The following TMTC2 variants were observed in gnomAD, a reference collection of about 807,000 sequenced individuals.
The protein encoded by TMTC2 is protein O-mannosyl-transferase TMTC2.
Under a neutral mutation model 82.4 loss-of-function variants are expected in TMTC2, and 43 were observed. The ratio of observed to expected loss-of-function variants is 0.52; its 90% CI spans 0.41 to 0.67. The LOEUF (loss-of-function observed/expected upper bound fraction) is 0.67. Ranked by LOEUF, TMTC2 falls within the 30% of genes least tolerant of loss-of-function variation. TMTC2 has a pLI of 0.00. For synonymous variants in TMTC2, 408 were observed against 381.9 expected (o/e 1.07, Z -0.80); for missense variants, 919 against 1,012.4 (o/e 0.91, Z 1.25).
intron 1 of TMTC2, among the ~76,000 whole-genome samples, chr12:82,805,671 C>CT (rs989981817): frequency 6.6e-6 from 1 of 151,592 alleles, no homozygotes; most frequent in Admixed American, 6.6e-5. Flanking sequence ...CCACGCCCGG[C>CT]TTTTTTTGTA....
chr12:82,858,561 A>T (rs1346910541), intron 2 of TMTC2, among the ~76,000 whole-genome samples: 1 of 152,112 alleles, frequency 6.6e-6, no homozygotes, highest in Non-Finnish European at 1.5e-5. Flanking sequence ...TTCACCATCG[A>T]TTTCTAATTT....
chr12:82,730,406 A>C (rs1028553705), intron 1 of TMTC2, among the ~76,000 whole-genome samples: 3 of 152,134 alleles, frequency 2.0e-5, no homozygotes, highest in Non-Finnish European at 4.4e-5. Context: ...AATAATAATA[A>C]GAGTGTAGTC....
chr12:82,718,713 A>G lies in TMTC2; in HGVS notation c.83+31044A>G, dbSNP rs186059712. Among the ~76,000 whole-genome samples the G allele has an allele frequency of 2.6e-4, 40 of 152,314 alleles. No individual in the cohort carries two copies. The Middle Eastern group carries it at 0.01, about 39-fold the overall frequency. The stretch of plus-strand genomic sequence containing the variant: ...TTCATATGGTTCAATGGGTACTTCT[A>G]AAACATACCCATGCCCTATTATTTC... On this transcript the variant is annotated intron_variant, in intron 1 of 11. Transcript: ENST00000321196.
At chr12:82,893,098 A>C (rs1295810166) in intron 2 of TMTC2, among the ~76,000 whole-genome samples, 1 of 152,100 alleles carries the variant, frequency 6.6e-6, no homozygotes, top group Non-Finnish European at 1.5e-5. Flanking sequence ...TGGGCCAGTC[A>C]CGGTGGCTCA....
At chr12:83,029,980 C>A (rs1881359692) in intron 8 of TMTC2, among the ~76,000 whole-genome samples, 1 of 152,118 alleles carries the variant, frequency 6.6e-6, no homozygotes, top group Non-Finnish European at 1.5e-5. Flanking sequence ...GAATTTTAGT[C>A]CTGAGTGATT....
At chr12:82,799,889 A>G (rs1374857071) in intron 1 of TMTC2, among the ~76,000 whole-genome samples, 1 of 152,140 alleles carries the variant, frequency 6.6e-6, no homozygotes, top group East Asian at 1.9e-4. Context: ...AGCTTTCACC[A>G]TCACATGTGC....
At chr12:82,850,248 A>G (rs749902924) in intron 1 of TMTC2, among the ~76,000 whole-genome samples, 1 of 152,150 alleles carries the variant, frequency 6.6e-6, no homozygotes, top group African/African-American at 2.4e-5. Context: ...TTAACATGAC[A>G]TTTTGTGAAA....
At chr12:82,907,440 G>C (rs1318446500) in intron 3 of TMTC2, among the ~76,000 whole-genome samples, 1 of 151,396 alleles carries the variant, frequency 6.6e-6, no homozygotes, top group Non-Finnish European at 1.5e-5. Flanking sequence ...TCCAGCCTGG[G>C]TGACAGAGTG....
intron 1 of TMTC2, among the ~76,000 whole-genome samples, chr12:82,804,651 T>C (rs755165822): frequency 1.1e-4 from 17 of 152,110 alleles, no homozygotes; most frequent in Non-Finnish European, 2.1e-4. Context: ...GACCAACTGA[T>C]AGCAATTTAA....
chr12:82,699,071 C>G (rs1287337337), intron 1 of TMTC2, among the ~76,000 whole-genome samples: 1 of 152,198 alleles, frequency 6.6e-6, no homozygotes, highest in African/African-American at 2.4e-5. Context: ...AGGGGGTCTA[C>G]TGTATCTCAC....
chr12:82,710,515 A>G (rs953581282), intron 1 of TMTC2, among the ~76,000 whole-genome samples: 8 of 152,334 alleles, frequency 5.3e-5, no homozygotes, highest in African/African-American at 1.7e-4. Flanking sequence ...TCCATCTCAG[A>G]TAATTTCTAG....
intron 1 of TMTC2, among the ~76,000 whole-genome samples, chr12:82,739,997 TAGTC>T (rs1033148932): frequency 6.6e-5 from 10 of 152,042 alleles, no homozygotes; most frequent in Non-Finnish European, 1.5e-4. Flanking sequence ...CTCTGGGTAG[TAGTC>T]AGTATGTTTG....
chr12:82,727,401 C>G (rs1443056171), intron 1 of TMTC2, among the ~76,000 whole-genome samples: 1 of 152,026 alleles, frequency 6.6e-6, no homozygotes, highest in Non-Finnish European at 1.5e-5. Context: ...TGACCCCTGA[C>G]TGGAAAGGTT....
intron 1 of TMTC2, among the ~76,000 whole-genome samples, chr12:82,698,102 C>A (rs1033616930): frequency 2.6e-5 from 4 of 152,070 alleles, no homozygotes; most frequent in African/African-American, 9.7e-5. Flanking sequence ...CTTTAAGGCA[C>A]CTTGGGGGGT....
intron 1 of TMTC2, among the ~76,000 whole-genome samples, chr12:82,815,317 T>A (rs183085701): frequency 1.0e-3 from 150 of 150,580 alleles, no homozygotes; most frequent in African/African-American, 3.4e-3. Context: ...TAATTATTTA[T>A]TTATTTATTT....
At chr12:82,885,880 G>A (rs1019161273) in intron 2 of TMTC2, among the ~76,000 whole-genome samples, 1 of 152,154 alleles carries the variant, frequency 6.6e-6, no homozygotes, top group Non-Finnish European at 1.5e-5. Flanking sequence ...CTTTTGGAAG[G>A]AAGTCACTAT....
intron 2 of TMTC2, among the ~76,000 whole-genome samples, chr12:82,869,900 A>G (rs1345287997): frequency 6.6e-6 from 1 of 152,152 alleles, no homozygotes; most frequent in Admixed American, 6.5e-5. Flanking sequence ...GAGGCCCACA[A>G]AAATTAGGCC....
At chr12:83,085,619 A>G (rs1883625995) in intron 11 of TMTC2, among the ~76,000 whole-genome samples, 1 of 152,182 alleles carries the variant, frequency 6.6e-6, no homozygotes, top group African/African-American at 2.4e-5. Flanking sequence ...AGAATTAACC[A>G]TCTGAGCTCA....
intron 1 of TMTC2, among the ~76,000 whole-genome samples, chr12:82,781,846 C>T (rs1877927208): frequency 6.6e-6 from 1 of 151,782 alleles, no homozygotes; most frequent in African/African-American, 2.4e-5. Context: ...GTTTGACCTC[C>T]TCTTTAGTTT....
Sources: allele counts gnomAD v4.1 joint callset (sites outside exome capture counted in the v4.1 genomes callset), GRCh38; gene constraint gnomAD v4.1.1; transcripts MANE v1.5; gene names NCBI Gene and HGNC (gene_info 2026-07-23, HGNC 2026-07-21).